KCNH7: variants seen among roughly 807,000 people sequenced by gnomAD.
KCNH7 encodes voltage-gated inwardly rectifying potassium channel KCNH7.
In KCNH7, 49 loss-of-function variants were observed where a neutral mutation model predicts 120.8. The ratio of observed to expected loss-of-function variants is 0.41; its 90% CI spans 0.32 to 0.51. KCNH7 has a LOEUF of 0.51. KCNH7 is among the 20% of genes least tolerant of loss of function. KCNH7 has a pLI of 0.38. For missense variants in KCNH7, 1,097 were observed against 1,446.6 expected (o/e 0.76, Z 3.92); for synonymous variants, 547 against 516.1 (o/e 1.06, Z -0.81).
intron 14 of KCNH7, among the ~76,000 whole-genome samples, chr2:162,376,772 C>T (rs1215162862): frequency 5.3e-5 from 8 of 152,024 alleles, no homozygotes; most frequent in Admixed American, 2.0e-4. Flanking sequence ...AATAAGACCC[C>T]CAAGTGATTC....
At chr2:162,388,900 T>C (rs939256234) in intron 12 of KCNH7, among the ~76,000 whole-genome samples, 1 of 151,974 alleles carries the variant, frequency 6.6e-6, no homozygotes, top group Admixed American at 6.6e-5. Flanking sequence ...CATTGGATTT[T>C]TCCTGTGGAG....
chr2:162,450,749 G>C (rs560331844), intron 6 of KCNH7, among the ~76,000 whole-genome samples: 1 of 152,114 alleles, frequency 6.6e-6, no homozygotes, highest in East Asian at 1.9e-4. Flanking sequence ...GAATCAAGGT[G>C]GCCAAGTTTG....
intron 2 of KCNH7, among the ~76,000 whole-genome samples, chr2:162,705,903 C>G (rs139389181): frequency 6.6e-6 from 1 of 152,128 alleles, no homozygotes; most frequent in East Asian, 1.9e-4. Context: ...GCTCATGCTC[C>G]CAGCCGGAGT....
intron 2 of KCNH7, among the ~76,000 whole-genome samples, chr2:162,769,456 A>G (rs1437083202): frequency 6.6e-6 from 1 of 152,106 alleles, no homozygotes; most frequent in Admixed American, 6.6e-5. Context: ...ATATTCATAA[A>G]CTAATAATAT....
intron 8 of KCNH7, among the ~76,000 whole-genome samples, chr2:162,432,200 A>C (rs927627554): frequency 2.0e-5 from 3 of 152,000 alleles, no homozygotes; most frequent in Non-Finnish European, 2.9e-5. Flanking sequence ...TTTTAATCGC[A>C]AAATGGTTGG....
At chr2:162,777,233 G>C (rs1056264393) in intron 2 of KCNH7, among the ~76,000 whole-genome samples, 9 of 152,036 alleles carry the variant, frequency 5.9e-5, no homozygotes, top group Admixed American at 5.2e-4. Context: ...GCATACTCAA[G>C]TTCTTTATTA....
chr2:162,440,705 CA>C (rs968751260), intron 7 of KCNH7, among the ~76,000 whole-genome samples: 16 of 151,998 alleles, frequency 1.1e-4, no homozygotes, highest in Admixed American at 2.6e-4. Context: ...GAGATTTTTA[CA>C]ATTTCACTGG....
chr2:162,467,582 C>A (rs1053962831), intron 6 of KCNH7, among the ~76,000 whole-genome samples: 1 of 152,210 alleles, frequency 6.6e-6, no homozygotes, highest in African/African-American at 2.4e-5. Context: ...GTGCTGGCAC[C>A]ATGCTTCTTG....
intron 2 of KCNH7, among the ~76,000 whole-genome samples, chr2:162,740,570 C>T (rs1688090238): frequency 6.6e-6 from 1 of 152,176 alleles, no homozygotes; most frequent in Non-Finnish European, 1.5e-5. Flanking sequence ...ATACAGAAAA[C>T]TTTATTACAG....
chr2:162,490,037 G>A (rs1243468254), intron 6 of KCNH7, among the ~76,000 whole-genome samples: 1 of 152,206 alleles, frequency 6.6e-6, no homozygotes, highest in African/African-American at 2.4e-5. Flanking sequence ...TGAAGTTTAG[G>A]AGAACACGTT....
At chr2:162,622,524 C>T (rs2389739) in intron 2 of KCNH7, among the ~76,000 whole-genome samples, 67,488 of 151,964 alleles carry the variant, frequency 0.44, 15,372 homozygotes, top group Middle Eastern at 0.59. Context: ...TAAGTAGCCA[C>T]ATGCCAAAGG....
intron 14 of KCNH7, among the ~76,000 whole-genome samples, chr2:162,376,475 C>G (rs887181504): frequency 6.6e-6 from 1 of 151,304 alleles, no homozygotes; most frequent in Admixed American, 6.6e-5. Flanking sequence ...AAGCAATTCT[C>G]TGCCTCAGCC....
intron 2 of KCNH7, among the ~76,000 whole-genome samples, chr2:162,577,348 CCTATCTATCTAT>C (rs71009364): frequency 0.15 from 19,017 of 130,822 alleles, 1,617 homozygotes; most frequent in Middle Eastern, 0.29. Context: ...ATCTATCCAT[CCTATCTATCTAT>C]CTATCTATCT....
intron 2 of KCNH7, among the ~76,000 whole-genome samples, chr2:162,575,286 C>G (rs1473626199): frequency 3.9e-5 from 6 of 152,094 alleles, no homozygotes; most frequent in Non-Finnish European, 8.8e-5. Flanking sequence ...CTGCCTTATT[C>G]CTCAATCATG....
intron 3 of KCNH7, among the ~76,000 whole-genome samples, chr2:162,525,545 A>G (rs1691671120): frequency 6.6e-6 from 1 of 151,970 alleles, no homozygotes; most frequent in African/African-American, 2.4e-5. Flanking sequence ...AGCATAATAT[A>G]CACCTAATTA....
At chr2:162,509,316 T>C (rs1471071360) in intron 5 of KCNH7, among the ~76,000 whole-genome samples, 1 of 151,498 alleles carries the variant, frequency 6.6e-6, no homozygotes, top group East Asian at 2.0e-4. Flanking sequence ...ATTAAAAAAA[T>C]AATGCTACTT....
intron 2 of KCNH7, among the ~76,000 whole-genome samples, chr2:162,671,305 TAA>T (rs887269722): frequency 6.6e-6 from 1 of 151,946 alleles, no homozygotes; most frequent in Admixed American, 6.6e-5. Context: ...GGAATCAACC[TAA>T]GTGTCCACCA....
chr2:162,493,549 C>T (rs554850625), intron 6 of KCNH7, among the ~76,000 whole-genome samples: 1 of 152,298 alleles, frequency 6.6e-6, no homozygotes, highest in Admixed American at 6.5e-5. Context: ...CCTTTGAGAA[C>T]TGCTCAACTT....
intron 2 of KCNH7, among the ~76,000 whole-genome samples, chr2:162,714,742 G>T (rs1687047828): frequency 6.6e-6 from 1 of 152,222 alleles, no homozygotes; most frequent in Non-Finnish European, 1.5e-5. Flanking sequence ...GAGGATGGCT[G>T]TGTTCCGGTG....
Sources: allele counts gnomAD v4.1 joint callset (sites outside exome capture counted in the v4.1 genomes callset), GRCh38; gene constraint gnomAD v4.1.1; transcripts MANE v1.5; gene names NCBI Gene and HGNC (gene_info 2026-07-23, HGNC 2026-07-21).